Variants in MYO18B observed in about 807,000 individuals in gnomAD.
The protein encoded by MYO18B is myosin XVIIIB.
In MYO18B, 204 loss-of-function variants were observed where a neutral mutation model predicts 273.0. The observed-to-expected ratio is 0.75, with a 90% CI of 0.67 to 0.84. MYO18B has a LOEUF of 0.84. Among genes scored for constraint, MYO18B ranks in the 40% least tolerant of loss-of-function variants. The pLI, the probability that MYO18B is intolerant of heterozygous loss-of-function variation, is 0.00. For synonymous variants in MYO18B, 1,330 were observed against 1,305.7 expected, an observed-to-expected ratio of 1.02 and a Z score of -0.40; for missense variants, 3,212 against 3,287.6, an observed-to-expected ratio of 0.98 and a Z score of 0.56.
At chr22:25,826,563 C>A in intron 14 of MYO18B, 64 bp downstream of exon 14, 3 of 1,442,946 alleles carry the variant, frequency 2.1e-6, no homozygotes, top group Non-Finnish European at 1.9e-6. Context: ...AATTCACATA[C>A]CGGGCAGTTG....
At chr22:25,948,550 T>TCC (rs61169867) in intron 36 of MYO18B, among the ~76,000 whole-genome samples, 22 of 148,958 alleles carry the variant, frequency 1.5e-4, no homozygotes, top group Non-Finnish European at 2.5e-4. Context: ...CTTCCTTCCT[T>TCC]TCTCTTTCTC....
At chr22:26,047,209 C>A in the MYO18B span, among the ~76,000 whole-genome samples, 1 of 150,548 alleles carries the variant, frequency 6.6e-6, no homozygotes, top group Admixed American at 6.6e-5. Flanking sequence ...TCACTGCAAG[C>A]TCTGCCTCCC....
chr22:25,780,359 G>C (rs2087089427), intron 9 of MYO18B, among the ~76,000 whole-genome samples, 161 bp downstream of exon 9: 1 of 152,046 alleles, frequency 6.6e-6, no homozygotes, highest in African/African-American at 2.4e-5. Flanking sequence ...GGGAGGCTGA[G>C]GTGGGTGGAT....
the MYO18B span, among the ~76,000 whole-genome samples, chr22:26,042,444 G>A: frequency 0.091 from 13,852 of 152,264 alleles, 699 homozygotes; most frequent in Middle Eastern, 0.17. Context: ...GACTGTTTGG[G>A]GGAGCCCAGT....
chr22:25,784,504 G>A (rs2087296072), intron 10 of MYO18B, among the ~76,000 whole-genome samples: 1 of 152,226 alleles, frequency 6.6e-6, no homozygotes, highest in Admixed American at 6.5e-5. Flanking sequence ...AGCCTAGCTG[G>A]TAAGACTCCT....
At chr22:26,009,994 A>T (rs1224658415) in intron 42 of MYO18B, among the ~76,000 whole-genome samples, 1 of 152,184 alleles carries the variant, frequency 6.6e-6, no homozygotes, top group Non-Finnish European at 1.5e-5. Flanking sequence ...TCCAAGAGGA[A>T]ACTCATCCTG....
chr22:25,770,407 G>C (rs1472696552), intron 5 of MYO18B, among the ~76,000 whole-genome samples: 2 of 152,218 alleles, frequency 1.3e-5, no homozygotes, highest in Non-Finnish European at 2.9e-5. Context: ...GAGGAAGCCA[G>C]AGTCTGGTAC....
the MYO18B span, among the ~76,000 whole-genome samples, chr22:26,060,938 TACACATGCACACACC>T: frequency 6.6e-6 from 1 of 151,804 alleles, no homozygotes; most frequent in South Asian, 2.1e-4. Context: ...CATTCACACA[TACACATGCACACACC>T]ACATATGCAC....
chr22:25,885,591 C>T (rs2091473582), intron 25 of MYO18B, among the ~76,000 whole-genome samples: 1 of 151,886 alleles, frequency 6.6e-6, no homozygotes. Context: ...GAGGGGTTGC[C>T]TATGGGTTAG....
intron 40 of MYO18B, among the ~76,000 whole-genome samples, chr22:25,996,980 G>T (rs744003): frequency 0.24 from 36,847 of 151,832 alleles, 5,470 homozygotes; most frequent in African/African-American, 0.41. Context: ...ATGCCCCAGT[G>T]CCCCAGGCAG....
intron 39 of MYO18B, among the ~76,000 whole-genome samples, chr22:25,984,803 G>GAA (rs59242717): frequency 0.013 from 1,933 of 143,722 alleles, 17 homozygotes; most frequent in Non-Finnish European, 0.022. Context: ...CCATCTCTAA[G>GAA]AAAAAAAAAA....
At chr22:26,021,281 T>C (rs1198508618) in intron 42 of MYO18B, among the ~76,000 whole-genome samples, 1 of 152,194 alleles carries the variant, frequency 6.6e-6, no homozygotes, top group Non-Finnish European at 1.5e-5. Context: ...CAACCCATAC[T>C]TACAGCATTT....
At chr22:25,794,102 T>G (rs1023383804) in intron 11 of MYO18B, among the ~76,000 whole-genome samples, 2 of 151,940 alleles carry the variant, frequency 1.3e-5, no homozygotes, top group African/African-American at 2.4e-5. Context: ...CCAGGCTAAT[T>G]TTTTGTATTT....
At chr22:25,994,788 G>A (rs1933055625) in intron 40 of MYO18B, among the ~76,000 whole-genome samples, 1 of 152,194 alleles carries the variant, frequency 6.6e-6, no homozygotes. Context: ...TGATGCTTGG[G>A]CTGGCTTCTC....
chr22:25,870,586 A>G (rs544668533), intron 22 of MYO18B, among the ~76,000 whole-genome samples: 13 of 152,340 alleles, frequency 8.5e-5, no homozygotes, highest in Non-Finnish European at 1.6e-4. Context: ...TACATGACAT[A>G]TTCTTTACAG....
the MYO18B span, among the ~76,000 whole-genome samples, chr22:26,045,049 G>T: frequency 6.7e-6 from 1 of 149,726 alleles, no homozygotes; most frequent in African/African-American, 2.5e-5. Flanking sequence ...CTATGTGACT[G>T]TTTTTTTTTG....
chr22:26,009,028 T>C (rs963493815), intron 42 of MYO18B, among the ~76,000 whole-genome samples: 2 of 152,238 alleles, frequency 1.3e-5, no homozygotes, highest in African/African-American at 4.8e-5. Context: ...CTGTAGAGAC[T>C]GCCAAGGTAT....
At chr22:25,828,637 G>A in intron 14 of MYO18B, 139 bp from the exon 15 acceptor site, 2 of 724,376 alleles carry the variant, frequency 2.8e-6, no homozygotes, top group Non-Finnish European at 4.5e-6. Context: ...TGCTCAGAGA[G>A]GTTAAGTAGC....
chr22:25,914,508 TTCTA>T (rs1008136101), intron 33 of MYO18B, among the ~76,000 whole-genome samples: 1 of 151,970 alleles, frequency 6.6e-6, no homozygotes, highest in African/African-American at 2.4e-5. Context: ...TTTTTCTGTA[TTCTA>T]TCTATATTTC....
Sources: gnomAD v4.1 joint callset for allele counts (sites outside exome capture counted in the v4.1 genomes callset) on GRCh38, gnomAD v4.1.1 for gene constraint, MANE v1.5 for transcripts, NCBI Gene and HGNC (gene_info 2026-07-23, HGNC 2026-07-21) for gene names.